The following CDH20 variants were observed in gnomAD, a reference collection of about 807,000 sequenced individuals.
CDH20 encodes the protein cadherin-20.
Under a neutral mutation model 74.2 loss-of-function variants are expected in CDH20, and 29 were observed. The ratio of observed to expected loss-of-function variants is 0.39; its 90% CI spans 0.29 to 0.53. The LOEUF is 0.53. CDH20 is among the 20% of genes least tolerant of loss of function. CDH20 has a pLI of 0.69. For synonymous variants in CDH20, 469 were observed against 405.4 expected, an observed-to-expected ratio of 1.16 and a Z score of -1.88; for missense variants, 988 against 1,048.3, an observed-to-expected ratio of 0.94 and a Z score of 0.79.
intron 11 of CDH20, among the ~76,000 whole-genome samples, chr18:61,550,593 C>T (rs1463451248): frequency 3.3e-5 from 5 of 152,196 alleles, no homozygotes; most frequent in Non-Finnish European, 5.9e-5. Flanking sequence ...ATTTGATGAT[C>T]ACCTCTTCTA....
chr18:61,390,299 T>C lies in CDH20; in HGVS notation c.-153+56472T>C, dbSNP rs1911737081. On this transcript the variant is annotated intron_variant, in intron 1 of 11. Transcript: ENST00000262717. The stretch of plus-strand genomic sequence containing the variant: ...TAATATACAGCTTGCCTGTTTCTCA[T>C]ATATTTCAGAAAGATAGGTCACAAT... Among the ~76,000 whole-genome samples, 5 of 152,220 alleles carry C rather than the reference T, an allele frequency of 3.3e-5. No homozygotes were observed. In the South Asian group the frequency reaches 1.0e-3, roughly 32 times the overall value.
intron 1 of CDH20, among the ~76,000 whole-genome samples, chr18:61,359,167 A>G (rs1378519908): frequency 1.3e-5 from 2 of 152,140 alleles, no homozygotes; most frequent in Non-Finnish European, 2.9e-5. Context: ...AACTTGGTAA[A>G]TATAATAAGT....
At chr18:61,553,727 G>A (rs1272482002) in intron 11 of CDH20, among the ~76,000 whole-genome samples, 1 of 152,170 alleles carries the variant, frequency 6.6e-6, no homozygotes, top group East Asian at 1.9e-4. Flanking sequence ...CTATTAAGAT[G>A]CTAATATACG....
chr18:61,356,997 T>C (rs1320286767), intron 1 of CDH20, among the ~76,000 whole-genome samples: 1 of 152,206 alleles, frequency 6.6e-6, no homozygotes, highest in Non-Finnish European at 1.5e-5. Context: ...GCCTGCCTGA[T>C]AGTACTATTA....
chr18:61,525,721 C>CTT, intron 6 of CDH20, among the ~76,000 whole-genome samples: 1 of 152,184 alleles, frequency 6.6e-6, no homozygotes, highest in East Asian at 1.9e-4. Flanking sequence ...ACAAAAAAAA[C>CTT]TTTATTAAAA....
At chr18:61,544,308 T>G (rs1913149004) in intron 9 of CDH20, among the ~76,000 whole-genome samples, 1 of 152,190 alleles carries the variant, frequency 6.6e-6, no homozygotes, top group South Asian at 2.1e-4. Context: ...AGTGGGCGTG[T>G]GTTACAGTGT....
intron 1 of CDH20, among the ~76,000 whole-genome samples, chr18:61,335,853 G>C (rs2439779): frequency 0.38 from 57,896 of 152,166 alleles, 12,104 homozygotes; most frequent in East Asian, 0.62. Flanking sequence ...AATTAAAATG[G>C]AAAAGGAAAG....
intron 1 of CDH20, among the ~76,000 whole-genome samples, chr18:61,463,531 A>G (rs537902817): frequency 6.6e-6 from 1 of 152,338 alleles, no homozygotes; most frequent in African/African-American, 2.4e-5. Context: ...TTGGAAGGGC[A>G]TAAGAGGGGT....
chr18:61,425,672 G>A (rs1599076396), intron 1 of CDH20, among the ~76,000 whole-genome samples: 1 of 152,230 alleles, frequency 6.6e-6, no homozygotes, highest in African/African-American at 2.4e-5. Flanking sequence ...AAAAGCATAA[G>A]AATTATATAA....
chr18:61,381,467 C>A (rs2159594), intron 1 of CDH20, among the ~76,000 whole-genome samples: 34,937 of 151,994 alleles, frequency 0.23, 4,752 homozygotes, highest in East Asian at 0.57. Flanking sequence ...CAAAGTTATG[C>A]GACCTCAGGG....
chr18:61,507,314 T>C (rs2144330174), intron 5 of CDH20, 59 bp from the exon 6 acceptor site: 1 of 1,492,544 alleles, frequency 6.7e-7, no homozygotes, highest in Non-Finnish European at 9.3e-7. Flanking sequence ...ATGATAATGA[T>C]GAGGCATTTT....
intron 2 of CDH20, among the ~76,000 whole-genome samples, chr18:61,496,277 C>T (rs376144835): frequency 2.3e-5 from 3 of 131,888 alleles, no homozygotes; most frequent in East Asian, 4.5e-4. Flanking sequence ...CCTTCCTTTC[C>T]CTTCCCTCCT....
At chr18:61,390,332 A>T (rs887168042) in intron 1 of CDH20, among the ~76,000 whole-genome samples, 1 of 152,230 alleles carries the variant, frequency 6.6e-6, no homozygotes, top group Non-Finnish European at 1.5e-5. Flanking sequence ...AATATATGCC[A>T]AATTTTACTT....
At chr18:61,531,113 C>A (rs1912620029) in intron 7 of CDH20, among the ~76,000 whole-genome samples, 1 of 152,188 alleles carries the variant, frequency 6.6e-6, no homozygotes, top group African/African-American at 2.4e-5. Context: ...GAAAATTAAC[C>A]CAGCATCCTA....
chr18:61,506,868 T>A (rs531174347), intron 5 of CDH20, among the ~76,000 whole-genome samples: 154 of 152,240 alleles, frequency 1.0e-3, no homozygotes, highest in African/African-American at 3.5e-3. Flanking sequence ...CTGCCCCCCC[T>A]TTATAGATCA....
chr18:61,393,131 T>C (rs1911849715), intron 1 of CDH20, among the ~76,000 whole-genome samples: 1 of 152,216 alleles, frequency 6.6e-6, no homozygotes, highest in Non-Finnish European at 1.5e-5. Context: ...ATTCCAGATT[T>C]CTTCTTCTTA....
At position 61,547,729 on chromosome 18, in the gene CDH20, C is replaced by T. The variant is rs1913301786; in HGVS notation, c.1649-2249C>T. On this transcript the variant is annotated intron_variant, in intron 10 of 11. Coordinates refer to ENST00000262717, the MANE Select transcript of CDH20 (RefSeq NM_031891.4). The stretch of plus-strand genomic sequence containing the variant: ...CCATGCCCCCCCACTACACCCCCGC[C>T]CCACACACACAGTGTTCTGTGTCAC... Among the ~76,000 whole-genome samples, 4 of 151,176 alleles carry T rather than the reference C, an allele frequency of 2.6e-5. No individual in the cohort carries two copies. In the South Asian group the frequency reaches 6.3e-4, roughly 24 times the overall value.
At chr18:61,514,682 T>G (rs1911920351) in intron 6 of CDH20, among the ~76,000 whole-genome samples, 1 of 150,518 alleles carries the variant, frequency 6.6e-6, no homozygotes. Context: ...GTTTTTGGTG[T>G]GGATGTCCTT....
intron 1 of CDH20, among the ~76,000 whole-genome samples, chr18:61,434,647 T>G (rs148547760): frequency 1.3e-5 from 2 of 152,064 alleles, no homozygotes; most frequent in Admixed American, 6.6e-5. Flanking sequence ...TGGTGGTCCA[T>G]GAGGTCTGTG....
Sources: allele counts gnomAD v4.1 joint callset (sites outside exome capture counted in the v4.1 genomes callset), GRCh38; gene constraint gnomAD v4.1.1; transcripts MANE v1.5; gene names NCBI Gene and HGNC (gene_info 2026-07-23, HGNC 2026-07-21).